CLEC12A: variants seen among roughly 807,000 people sequenced by gnomAD.
The protein encoded by CLEC12A is C-type lectin protein CLL-1.
A neutral mutation model predicts 26.5 loss-of-function variants in CLEC12A; 22 were observed. That is an observed-to-expected ratio of 0.83 (90% CI 0.59 to 1.19). The LOEUF is 1.19. Ranked by LOEUF, CLEC12A falls within the 50% of genes most tolerant of loss-of-function variation. The probability of loss-of-function intolerance (pLI) is 0.00; values close to 1 mark genes in which losing one functional copy is unlikely to be tolerated. For synonymous variants in CLEC12A, 119 were observed against 101.9 expected (o/e 1.17, Z -1.01); for missense variants, 353 against 315.6 (o/e 1.12, Z -0.90).
chr12:9,981,513 T>C (rs1443636698), intron 4 of CLEC12A, among the ~76,000 whole-genome samples: 1 of 152,158 alleles, frequency 6.6e-6, no homozygotes, highest in Admixed American at 6.5e-5. Flanking sequence ...AAGTGACCCA[T>C]TCACAGTTAC....
intron 1 of CLEC12A, among the ~76,000 whole-genome samples, chr12:9,959,281 T>A (rs1265615598): frequency 1.3e-5 from 2 of 151,660 alleles, no homozygotes; most frequent in African/African-American, 4.8e-5. Context: ...TGAAACCCCA[T>A]GTCTACTAAA....
At chr12:9,998,230 C>T (rs542516818), downstream of CLEC12A, 1 of 1,356,728 alleles carries the variant, frequency 7.4e-7, no homozygotes, top group African/African-American at 1.4e-5. Flanking sequence ...TATGCCATGA[C>T]CCTTCAGTAT....
chr12:9,963,869 G>A (rs649440), intron 1 of CLEC12A, among the ~76,000 whole-genome samples: 128,814 of 152,000 alleles, frequency 0.85, 54,932 homozygotes, highest in Middle Eastern at 0.91. Context: ...GGGACTGGTG[G>A]GGTAACTGCG....
downstream of CLEC12A, chr12:9,998,937 G>T: frequency 1.4e-6 from 1 of 699,808 alleles, no homozygotes; most frequent in Non-Finnish European, 2.4e-6. Flanking sequence ...TCAAGAAAAA[G>T]AAATTAAACT....
intron 1 of CLEC12A, among the ~76,000 whole-genome samples, chr12:9,955,594 A>G (rs1164684795): frequency 6.6e-6 from 1 of 152,198 alleles, no homozygotes; most frequent in Non-Finnish European, 1.5e-5. Context: ...GATGCTCATG[A>G]GATGTGTGGG....
chr12:9,979,435 T>C lies in CLEC12A; in HGVS notation c.290T>C (p.Met97Thr), dbSNP rs749858918. ...RNISLQLMSN[M>T]NISNKIRNLS... ...ATTTCTCTACAACTGATGAGTAACA[T>C]GAATATCTCCAACAAGATCAGGAAC... Residue 97 changes from methionine to threonine, a missense_variant, in exon 3 of 6, where the codon ATG becomes ACG. Met to Thr is a moderately conservative substitution (Grantham distance 81). Coordinates refer to ENST00000304361, the MANE Select transcript of CLEC12A (RefSeq NM_138337.6). 1.7e-5 allele frequency: 27 copies of C among 1,612,860 alleles called. No individual in the cohort carries two copies. Among genetic ancestry groups the C allele is most frequent in the East Asian group, 4.5e-5 (2 of 44,828 alleles).
downstream of CLEC12A, chr12:9,999,212 G>A: frequency 1.5e-6 from 1 of 668,450 alleles, no homozygotes; most frequent in Non-Finnish European, 2.6e-6. Flanking sequence ...CTTTAGTAGG[G>A]TAGAACCATG....
downstream of CLEC12A, among the ~76,000 whole-genome samples, chr12:9,990,376 C>T (rs1231119628): frequency 6.6e-6 from 1 of 152,138 alleles, no homozygotes; most frequent in Non-Finnish European, 1.5e-5. Flanking sequence ...TTAACAGACA[C>T]TTGGAAGAAG....
chr12:9,992,519 G>C (rs1356922748), intron 4 of CLEC12A: 1 of 152,094 alleles, frequency 6.6e-6, no homozygotes, highest in Non-Finnish European at 1.5e-5. Context: ...GGAAGTCATA[G>C]TGTTCGCTTT....
chr12:9,966,584 C>T (rs566813227), upstream of CLEC12A, among the ~76,000 whole-genome samples: 16 of 152,104 alleles, frequency 1.1e-4, no homozygotes, highest in African/African-American at 3.4e-4. Context: ...GTGGTTTAGG[C>T]GTTTGGAAGT....
intron 5 of CLEC12A, 68 bp from the exon 6 acceptor site, chr12:9,984,801 AT>A (rs1242959001): frequency 8.1e-5 from 105 of 1,303,906 alleles, no homozygotes; most frequent in Middle Eastern, 2.0e-4. Context: ...TGGAAGTGTA[AT>A]TTTTTTTTCT....
At chr12:9,977,444 A>C (rs549191784) in intron 1 of CLEC12A, among the ~76,000 whole-genome samples, 10 of 152,368 alleles carry the variant, frequency 6.6e-5, no homozygotes, top group African/African-American at 2.4e-4. Flanking sequence ...AAAGAAAACA[A>C]ATAAAACCTT....
At chr12:9,960,930 T>TA (rs1863818159) in intron 1 of CLEC12A, among the ~76,000 whole-genome samples, 1 of 152,142 alleles carries the variant, frequency 6.6e-6, no homozygotes, top group Non-Finnish European at 1.5e-5. Flanking sequence ...TCAAACTCTG[T>TA]AAAATATTTG....
At chr12:9,952,713 C>A in intron 1 of CLEC12A, 1 of 136,580 alleles carries the variant, frequency 7.3e-6, no homozygotes, top group South Asian at 2.3e-4. Context: ...CGGCCGCCAT[C>A]CCATCTAGGA....
intron 5 of CLEC12A, 27 bp downstream of exon 5, chr12:9,982,156 T>A: frequency 7.9e-7 from 1 of 1,272,724 alleles, no homozygotes; most frequent in Non-Finnish European, 1.1e-6. Context: ...GTTAGAATTT[T>A]ATAGCTGGGT....
rs57106602 is a variant in CLEC12A at position 9,959,452 on chromosome 12, CA to C, written c.10+8111del. On this transcript the variant is annotated intron_variant, in intron 1 of 6. Coordinates refer to the CLEC12A transcript ENST00000355690. ...GGGAGAGAAGAGCGAAACTCTGTCT[CA>C]AAAAAAAAAAAAAAGAAGAAAGAAA... 4.0e-3 allele frequency among the ~76,000 whole-genome samples: 564 copies of C among 140,728 alleles called. 4 individuals are homozygous for C. Among genetic ancestry groups the C allele is most frequent in the African/African-American group, 0.01 (401 of 38,314 alleles). The allele number at this position is 140,728 out of a possible 152,430, so 92.3% of individuals were successfully genotyped here.
At chr12:9,996,284 C>T (rs1865044858), downstream of CLEC12A, among the ~76,000 whole-genome samples, 1 of 152,098 alleles carries the variant, frequency 6.6e-6, no homozygotes, top group Admixed American at 6.6e-5. Context: ...TACCTGAAAT[C>T]CAACTATACA....
At chr12:9,982,750 ACTGT>A (rs1246557965) in intron 5 of CLEC12A, among the ~76,000 whole-genome samples, 3 of 152,126 alleles carry the variant, frequency 2.0e-5, no homozygotes, top group African/African-American at 7.2e-5. Context: ...GATAGTGTAC[ACTGT>A]ACCCAACAGG....
downstream of CLEC12A, chr12:9,996,879 A>G (rs1264915817): frequency 4.5e-5 from 73 of 1,613,998 alleles, no homozygotes; most frequent in Non-Finnish European, 6.0e-5. Context: ...TCAGGAGAGT[A>G]GCATTCATGT....
Sources: gnomAD v4.1 joint callset for allele counts (sites outside exome capture counted in the v4.1 genomes callset) on GRCh38, gnomAD v4.1.1 for gene constraint, MANE v1.5 for transcripts, NCBI Gene and HGNC (gene_info 2026-07-23, HGNC 2026-07-21) for gene names.